SCN8A: variants seen among roughly 807,000 people sequenced by gnomAD.
The protein encoded by SCN8A is sodium voltage-gated channel alpha subunit 8, also known as sodium channel protein type 8 subunit alpha.
A neutral mutation model predicts 184.1 loss-of-function variants in SCN8A; 30 were observed. That is an observed-to-expected ratio of 0.16 (90% confidence interval 0.12 to 0.22). The LOEUF (loss-of-function observed/expected upper bound fraction) is 0.22. Among genes scored for constraint, SCN8A ranks in the 10% least tolerant of loss-of-function variants. The probability of loss-of-function intolerance (pLI) is 1.00; values close to 1 mark genes in which losing one functional copy is unlikely to be tolerated. For missense variants in SCN8A, 1,057 were observed against 2,498.9 expected, an observed-to-expected ratio of 0.42 and a Z score of 12.30; for synonymous variants, 852 against 907.0, an observed-to-expected ratio of 0.94 and a Z score of 1.09.
chr12:51,609,174 A>T (rs980369399), intron 1 of SCN8A, among the ~76,000 whole-genome samples: 9 of 152,184 alleles, frequency 5.9e-5, no homozygotes, highest in African/African-American at 2.2e-4. Flanking sequence ...TCTTGGAGGA[A>T]GTTCTATACA....
At chr12:51,720,485 T>G in intron 11 of SCN8A, among the ~76,000 whole-genome samples, 1 of 144,614 alleles carries the variant, frequency 6.9e-6, no homozygotes, top group Admixed American at 6.9e-5. Context: ...GGGAGAGCAT[T>G]AGGAGAAATA....
At chr12:51,766,464 G>C (rs953791797) in intron 16 of SCN8A, among the ~76,000 whole-genome samples, 1 of 152,022 alleles carries the variant, frequency 6.6e-6, no homozygotes, top group South Asian at 2.1e-4. Flanking sequence ...GTTTAGCAGC[G>C]TCCCTCCTGG....
rs371361783 is a variant in SCN8A, at chr12:51,635,935, A to C, written c.-54-26829A>C. On this transcript the variant is annotated intron_variant, in intron 1 of 26. Coordinates refer to ENST00000627620, the MANE Select transcript of SCN8A (RefSeq NM_001330260.2). The stretch of plus-strand genomic sequence containing the variant: ...TCAGTGCACAGCAACCCAGAAGCCC[A>C]CCCAACTTCTCCTAATCACTGCCTT... 9.8e-5 allele frequency among the ~76,000 whole-genome samples: 15 copies of C among 152,292 alleles called. No individual in the cohort carries two copies. In the South Asian group the frequency reaches 1.7e-3, roughly 17 times the overall value.
chr12:51,732,318 G>A (rs570780522), intron 12 of SCN8A, among the ~76,000 whole-genome samples: 18 of 152,224 alleles, frequency 1.2e-4, no homozygotes, highest in African/African-American at 4.3e-4. Context: ...ACCATTTATT[G>A]ATGAGACTGT....
At chr12:51,681,306 T>C (rs2138703260) in intron 2 of SCN8A, among the ~76,000 whole-genome samples, 1 of 152,332 alleles carries the variant, frequency 6.6e-6, no homozygotes, top group Middle Eastern at 3.4e-3. Flanking sequence ...AACATGCTGC[T>C]CTTTGCTGCG....
chr12:51,709,241 T>G (rs1244965557), intron 11 of SCN8A, among the ~76,000 whole-genome samples: 2 of 152,164 alleles, frequency 1.3e-5, no homozygotes, highest in Non-Finnish European at 2.9e-5. Context: ...ACAGATTTTT[T>G]TAGACAAGGA....
chr12:51,606,513 A>C (rs1257321202), intron 1 of SCN8A, among the ~76,000 whole-genome samples: 1 of 152,158 alleles, frequency 6.6e-6, no homozygotes, highest in Non-Finnish European at 1.5e-5. Flanking sequence ...GTTTGAAATC[A>C]GGTAGTATGA....
chr12:51,807,001 G>C lies in SCN8A; in HGVS notation c.5515G>C (p.Gly1839Arg). The C allele has an allele frequency of 6.2e-7, 1 of 1,614,060 alleles. No homozygotes were observed. The highest frequency in any genetic ancestry group is 8.5e-7 in the Non-Finnish European group (1 of 1,179,910). Reference sequence around the variant, plus strand: ...CGCTATGGATCTGCCAATGGTGAGCGGGGATCGCATCCACTGCTTGGACAT... The same window carrying C: ...CGCTATGGATCTGCCAATGGTGAGCCGGGATCGCATCCACTGCTTGGACAT... ...LIAMDLPMVS[G>R]DRIHCLDILF... Residue 1839 changes from glycine (G) to arginine (R), a missense_variant, in exon 27 of 27, where the codon GGG (glycine) becomes CGG (arginine). By Grantham distance (125) the Gly-to-Arg change is moderately radical (BLOSUM62 -2). Transcript: ENST00000627620. The surrounding 1 kb of genome is among the most constrained non-coding windows in gnomAD (Gnocchi z 4.5).
intron 11 of SCN8A, among the ~76,000 whole-genome samples, chr12:51,710,142 G>A (rs1215646672): frequency 6.6e-6 from 1 of 152,000 alleles, no homozygotes; most frequent in Admixed American, 6.5e-5. Flanking sequence ...ATGGGAGAGG[G>A]AATTCCCCTA....
intron 1 of SCN8A, among the ~76,000 whole-genome samples, chr12:51,630,531 A>G (rs781210703): frequency 8.5e-5 from 13 of 152,160 alleles, no homozygotes; most frequent in Non-Finnish European, 1.5e-4. Context: ...ACTTTAGGTT[A>G]CTTCCATCTT....
At chr12:51,604,481 G>C (rs947749121) in intron 1 of SCN8A, among the ~76,000 whole-genome samples, 1 of 150,622 alleles carries the variant, frequency 6.6e-6, no homozygotes, top group Non-Finnish European at 1.5e-5. Flanking sequence ...AGGTTTTTTT[G>C]TTTGTTTGTT....
chr12:51,652,039 T>A (rs539842592), intron 1 of SCN8A, among the ~76,000 whole-genome samples: 1 of 152,226 alleles, frequency 6.6e-6, no homozygotes, highest in South Asian at 2.1e-4. Context: ...AGAAAAAAAA[T>A]CATTCCCTTG....
intron 11 of SCN8A, chr12:51,713,582 G>A (rs948372636): frequency 1.0e-5 from 7 of 694,826 alleles, no homozygotes; most frequent in Non-Finnish European, 1.8e-5. Context: ...GACTGGGGGC[G>A]ACCAGGCGGT....
intron 13 of SCN8A, among the ~76,000 whole-genome samples, chr12:51,746,459 T>TA (rs1313685101): frequency 6.6e-6 from 1 of 152,204 alleles, no homozygotes; most frequent in Non-Finnish European, 1.5e-5. Context: ...TTTAACTACT[T>TA]ACAGCCCTTT....
At chr12:51,733,378 C>A (rs897366117) in intron 12 of SCN8A, among the ~76,000 whole-genome samples, 2 of 152,134 alleles carry the variant, frequency 1.3e-5, no homozygotes, top group African/African-American at 4.8e-5. Flanking sequence ...ATATGTTGAA[C>A]CTTTCATGCA....
intron 6 of SCN8A, among the ~76,000 whole-genome samples, chr12:51,692,280 C>T (rs1019376747): frequency 2.6e-5 from 4 of 152,192 alleles, no homozygotes; most frequent in Admixed American, 6.5e-5. Flanking sequence ...TCACCCACCC[C>T]CAACCTGGGC....
At chr12:51,801,575 C>G (rs1938557677) in intron 26 of SCN8A, among the ~76,000 whole-genome samples, 1 of 152,160 alleles carries the variant, frequency 6.6e-6, no homozygotes, top group Non-Finnish European at 1.5e-5. Flanking sequence ...TTCAGCTAAC[C>G]AAGCAAATAA....
chr12:51,685,281 G>GA (rs1941400706), intron 3 of SCN8A, among the ~76,000 whole-genome samples: 1 of 151,714 alleles, frequency 6.6e-6, no homozygotes, highest in African/African-American at 2.4e-5. Flanking sequence ...CAGCTGTAAT[G>GA]AAGAAAAAAA....
intron 2 of SCN8A, among the ~76,000 whole-genome samples, chr12:51,664,902 G>A (rs935211903): frequency 3.3e-5 from 5 of 151,860 alleles, no homozygotes; most frequent in African/African-American, 4.8e-5. Flanking sequence ...CCTCTGACAG[G>A]CCCCGATGTG....
Sources: gnomAD v4.1 joint callset for allele counts (sites outside exome capture counted in the v4.1 genomes callset) on GRCh38, gnomAD v4.1.1 for gene constraint, Gnocchi (gnomAD v3.1) non-coding constraint, MANE v1.5 for transcripts, NCBI Gene and HGNC (gene_info 2026-07-23, HGNC 2026-07-21) for gene names.